The following DST variants were observed in gnomAD, a reference collection of about 807,000 sequenced individuals.
DST encodes dystonin.
Under a neutral mutation model 875.2 loss-of-function variants are expected in DST, and 253 were observed. That is an observed-to-expected ratio of 0.29 (90% CI 0.26 to 0.32). The LOEUF (loss-of-function observed/expected upper bound fraction) is 0.32, where lower values mean the gene tolerates loss of function less well. DST is among the 10% of genes least tolerant of loss of function. DST has a pLI of 1.00. For synonymous variants in DST, 3,124 were observed against 3,197.1 expected, an observed-to-expected ratio of 0.98 and a Z score of 0.77; for missense variants, 8,287 against 9,111.6, an observed-to-expected ratio of 0.91 and a Z score of 3.68.
At chr6:56,528,814 G>C (rs372974037) in intron 67 of DST, 27 bp downstream of exon 67, 15 of 1,396,638 alleles carry the variant, frequency 1.1e-5, no homozygotes, top group Non-Finnish European at 1.1e-5. Flanking sequence ...CTGACCACAT[G>C]ATGATTTGAT....
In DST at chr6:56,578,966, C is replaced by T. The variant is rs1167525413; in HGVS notation, c.12904-29G>A. On this transcript the variant is annotated intron_variant, in intron 49 of 103. Transcript: ENST00000680361. The stretch of plus-strand genomic sequence containing the variant: ...TAGGATTAAACGCTTTTCAATTATA[C>T]TCAGCAGGACTAAATAATAGATTTC... 3.9e-6 allele frequency: 6 copies of T among 1,521,640 alleles called. No individual in the cohort carries two copies. In the South Asian group the frequency reaches 7.6e-5, roughly 19 times the overall value. 94.3% of individuals were successfully genotyped at this position (1,521,640 alleles called of 1,614,324 possible).
intron 7 of DST, among the ~76,000 whole-genome samples, chr6:56,702,903 A>G (rs1190344539): frequency 6.6e-6 from 1 of 152,226 alleles, no homozygotes; most frequent in Non-Finnish European, 1.5e-5. Flanking sequence ...ACAGCACACC[A>G]CAGAAGGAAA....
intron 4 of DST, among the ~76,000 whole-genome samples, chr6:56,791,304 G>T (rs989712518): frequency 1.3e-5 from 2 of 152,082 alleles, no homozygotes; most frequent in African/African-American, 4.8e-5. Flanking sequence ...TAAAGGTATA[G>T]GTATAGTAAC....
chr6:56,616,445 A>G, intron 36 of DST: 1 of 1,614,104 alleles, frequency 6.2e-7, no homozygotes, highest in Non-Finnish European at 8.5e-7. Flanking sequence ...AGTATCTACT[A>G]CAGAAATTCT....
intron 4 of DST, among the ~76,000 whole-genome samples, chr6:56,827,930 G>T (rs974495514): frequency 1.3e-5 from 2 of 151,820 alleles, no homozygotes; most frequent in Non-Finnish European, 2.9e-5. Flanking sequence ...TTCCTTCTTT[G>T]TACCCCACCC....
Position 56,459,025 on chromosome 6 carries a change from C to T in DST, c.23437G>A (p.Asp7813Asn), listed in dbSNP as rs956139209. 50 of 1,611,594 alleles carry T rather than the reference C, an allele frequency of 3.1e-5. No homozygotes were observed. The highest frequency in any genetic ancestry group is 4.2e-5 in the Non-Finnish European group (49 of 1,178,258). The stretch of plus-strand genomic sequence containing the variant: ...TTGCACTATCTCTTTGAGGACTTGT[C>T]CAATTTGCTGGCAGGTGATTTCCTC... ...PQRKSPASKL[D>N]KSSKR Residue 7813 changes from aspartate (D) to asparagine (N), a missense_variant, in exon 104 of 104, where the codon GAC (aspartate) becomes AAC (asparagine). Asp to Asn is a conservative substitution (Grantham distance 23). Coordinates refer to ENST00000680361, the MANE Select transcript of DST (RefSeq NM_001374736.1).
Position 56,639,442 on chromosome 6 carries a change from G to A in DST, c.2859+8C>T, listed in dbSNP as rs774279266. 7 of 1,613,638 alleles carry A rather than the reference G, an allele frequency of 4.3e-6. No homozygotes were observed. The South Asian group carries it at 6.6e-5, about 15-fold the overall frequency. On this transcript the variant is annotated splice_region_variant and intron_variant, in intron 21 of 103. Coordinates refer to ENST00000680361, the MANE Select transcript of DST (RefSeq NM_001374736.1). ...ACCCTAGTATGCAAGTACAAAGGGT[G>A]TACTTACAGCATGATAATCTTTTTT...
At chr6:56,896,640 G>T (rs1404116970) in intron 3 of DST, among the ~76,000 whole-genome samples, 1 of 152,132 alleles carries the variant, frequency 6.6e-6, no homozygotes, top group African/African-American at 2.4e-5. Context: ...TTAATATTTT[G>T]ATTATGGCCA....
chr6:56,509,867 C>A lies in DST; in HGVS notation c.18787G>T (p.Asp6263Tyr). ...CTCTCAAGGATCTGATCTATCTTGT[C>A]ATGGAACTAGGGGCAAAACAAAGAG... is the stretch of plus-strand genomic sequence containing the variant. ...EAISQSTQFH[D>Y]KIDQILESLE... The change falls in exon 74 of 104, where the codon GAC (aspartate) becomes TAC (tyrosine). Residue 6263 changes from aspartate to tyrosine, a missense_variant. This residue lies in a region of DST where 1,292 missense variants were observed against 1,552.7 expected (regional missense o/e 0.83). Coordinates refer to ENST00000680361, the MANE Select transcript of DST (RefSeq NM_001374736.1). 1.3e-6 allele frequency: 2 copies of A among 1,599,832 alleles called. No individual in the cohort carries two copies. Among genetic ancestry groups the A allele is most frequent in the South Asian group, 1.1e-5 (1 of 87,984 alleles).
chr6:56,948,486 G>C (rs1260962636), intron 2 of DST, among the ~76,000 whole-genome samples: 1 of 152,186 alleles, frequency 6.6e-6, no homozygotes, highest in African/African-American at 2.4e-5. Context: ...AGTGGGATTG[G>C]AGCAGGGCAG....
rs892288552 is a variant in DST at position 56,608,424 on chromosome 6, G to A, written c.6204C>T (p.Gly2068=). Residue 2068 remains glycine (G), a synonymous_variant, in exon 40 of 104, where the codon GGC becomes GGT. Transcript: ENST00000680361. ...AATGGGGCCAAATGAGTCCAACATA[G>A]CCTCGCTGAGCTTCCAGGACCAGAA... ...SALLVLEAQR[G]YVGLIWPHSG... 2.5e-6 allele frequency: 4 copies of A among 1,613,678 alleles called. No homozygotes were observed. Among genetic ancestry groups the A allele is most frequent in the Non-Finnish European group, 3.4e-6 (4 of 1,179,794 alleles).
At position 56,916,823 on chromosome 6, in the gene DST, C is replaced by CACACAGAG. The variant is rs555473872; in HGVS notation, c.217-16203_217-16202insCTCTGTGT. 2.9e-3 allele frequency among the ~76,000 whole-genome samples: 411 copies of CACACAGAG among 140,676 alleles called. 4 individuals are homozygous for CACACAGAG. Among genetic ancestry groups the CACACAGAG allele is most frequent in the East Asian group, 0.019 (89 of 4,632 alleles). 92.3% of individuals were successfully genotyped at this position (140,676 alleles called of 152,430 possible). A position where few individuals can be genotyped will look rare whatever the true frequency, so the allele number is the denominator to read the frequency against. ...ACACACACACACACACACACACACA[C>CACACAGAG]AGAGAGACAGAGAGAGAAAAGCTAT... is the stretch of plus-strand genomic sequence containing the variant. On this transcript the variant is annotated intron_variant, in intron 2 of 103. Transcript: ENST00000680361.
In DST at chr6:56,494,052, T is replaced by C; in HGVS notation, c.20352A>G (p.Lys6784=). The C allele has an allele frequency of 1.9e-6, 3 of 1,605,126 alleles. No homozygotes were observed. The highest frequency in any genetic ancestry group is 2.6e-6 in the Non-Finnish European group (3 of 1,175,310). ...TNIDQDINNL[K]EKWESVETKL... ...TGGTTTCCACCGATTCCCATTTTTCTTTCAAGTTATTTATGTCTTGGTCAA... is the reference window on the plus strand; with the variant it reads ...TGGTTTCCACCGATTCCCATTTTTCCTTCAAGTTATTTATGTCTTGGTCAA... Residue 6784 remains lysine (K), a synonymous_variant, in exon 83 of 104, where the codon AAA becomes AAG. Coordinates refer to ENST00000680361, the MANE Select transcript of DST (RefSeq NM_001374736.1).
At position 56,721,054 on chromosome 6, in the gene DST, G is replaced by A. The variant is rs1182436655; in HGVS notation, c.687+14174C>T. 1.4e-4 allele frequency among the ~76,000 whole-genome samples: 21 copies of A among 150,398 alleles called. 1 individual carries two copies. Among genetic ancestry groups the A allele is most frequent in the Admixed American group, 5.9e-4 (9 of 15,178 alleles). On this transcript the variant is annotated intron_variant, in intron 5 of 103. Coordinates refer to ENST00000680361, the MANE Select transcript of DST (RefSeq NM_001374736.1). ...CCGCCTCCCAGACAGGGCAGCTGCCGGGCAGGGGCGCCCCCCCCACCTCCC... is the reference window on the plus strand; with the variant it reads ...CCGCCTCCCAGACAGGGCAGCTGCCAGGCAGGGGCGCCCCCCCCACCTCCC...
rs545821622 is a variant in DST at position 56,932,079 on chromosome 6, G to A, written c.216+21706C>T. On this transcript the variant is annotated intron_variant, in intron 2 of 103. Transcript: ENST00000680361. ...ATGGTTTGGCTCTGTGTCCCCACCCGAATCTCATCTTGAATTGTACTCCCA... is the reference window on the plus strand; with the variant it reads ...ATGGTTTGGCTCTGTGTCCCCACCCAAATCTCATCTTGAATTGTACTCCCA... Among the ~76,000 whole-genome samples the A allele has an allele frequency of 5.3e-5, 8 of 152,190 alleles. No homozygotes were observed. The East Asian group carries it at 7.7e-4, about 15-fold the overall frequency.
intron 72 of DST, among the ~76,000 whole-genome samples, chr6:56,514,453 G>T (rs2096547660): frequency 6.6e-6 from 1 of 151,848 alleles, no homozygotes; most frequent in African/African-American, 2.4e-5. Flanking sequence ...CATTAAAAAG[G>T]TAAACAAACA....
intron 55 of DST, among the ~76,000 whole-genome samples, chr6:56,562,750 CCTG>C (rs2097559677): frequency 6.6e-6 from 1 of 150,886 alleles, no homozygotes; most frequent in Non-Finnish European, 1.5e-5. Context: ...CCCCCCACCC[CCTG>C]ACAGGCCCCG....
chr6:56,497,891 G>T lies in DST; in HGVS notation c.20059C>A (p.Gln6687Lys). ...RWQNVLEKTEQRKQQLDGALR... is the reference protein window; with the variant it reads ...RWQNVLEKTEKRKQQLDGALR... ...GCACCATCCAGCTGCTGCTTCCTTTGTTCTGTTTTTTCCAAAACATTTTGC... is the reference window on the plus strand; with the variant it reads ...GCACCATCCAGCTGCTGCTTCCTTTTTTCTGTTTTTTCCAAAACATTTTGC... The change falls in exon 81 of 104, where the codon CAA (glutamine) becomes AAA (lysine). Residue 6687 changes from glutamine (Q) to lysine (K), a missense_variant. By Grantham distance (53) the Gln-to-Lys change is moderately conservative (BLOSUM62 1). Transcript: ENST00000680361. The T allele has an allele frequency of 6.2e-7, 1 of 1,612,718 alleles. No individual in the cohort carries two copies. Among genetic ancestry groups the T allele is most frequent in the Non-Finnish European group, 8.5e-7 (1 of 1,179,298 alleles).
Position 56,506,744 on chromosome 6 carries a change from C to T in DST, c.19285G>A (p.Val6429Ile). The change falls in exon 76 of 104, where the codon GTT becomes ATT. Residue 6429 changes from valine to isoleucine, a missense_variant. Val to Ile is a conservative substitution (Grantham distance 29). Around this residue, in one of 10 missense-constraint regions of DST, gnomAD observed 1,292 missense variants for 1,552.7 expected, o/e 0.83. Coordinates refer to ENST00000680361, the MANE Select transcript of DST (RefSeq NM_001374736.1). ...IDGLQEELDI[V>I]INLGSELIAA... ...ATGAGTTCAGAACCTAGGTTAATAA[C>T]TATATCCAGCTCCTCCTGTAGTCCA... is the stretch of plus-strand genomic sequence containing the variant. 2.5e-6 allele frequency: 4 copies of T among 1,613,546 alleles called. No individual in the cohort carries two copies. The highest frequency in any genetic ancestry group is 3.4e-6 in the Non-Finnish European group (4 of 1,179,620).
Sources: allele counts gnomAD v4.1 joint callset (sites outside exome capture counted in the v4.1 genomes callset), GRCh38; gene constraint gnomAD v4.1.1; regional missense constraint gnomAD v4.1.1; transcripts MANE v1.5; gene names NCBI Gene and HGNC (gene_info 2026-07-23, HGNC 2026-07-21).